The following SPATA13 variants were observed in gnomAD, a reference collection of about 807,000 sequenced individuals.
The protein encoded by SPATA13 is spermatogenesis associated 13.
SPATA13 carries 50 observed loss-of-function variants against 104.0 expected under a neutral mutation model. The ratio of observed to expected loss-of-function variants is 0.48; its 90% CI spans 0.38 to 0.61. The LOEUF is 0.61. Among genes scored for constraint, SPATA13 ranks in the 20% least tolerant of loss-of-function variants. The pLI is 0.00. For missense variants in SPATA13, 1,524 were observed against 1,690.6 expected, an observed-to-expected ratio of 0.90 and a Z score of 1.73; for synonymous variants, 606 against 667.5, an observed-to-expected ratio of 0.91 and a Z score of 1.42.
At chr13:23,999,823 C>T (rs1455270226) in intron 2 of SPATA13, among the ~76,000 whole-genome samples, 1 of 152,200 alleles carries the variant, frequency 6.6e-6, no homozygotes, top group Non-Finnish European at 1.5e-5. Context: ...CAGAAATCCT[C>T]TTTTTCACTC....
At chr13:24,171,919 A>G (rs1593378905) in intron 1 of SPATA13, among the ~76,000 whole-genome samples, 1 of 152,236 alleles carries the variant, frequency 6.6e-6, no homozygotes, top group African/African-American at 2.4e-5. Context: ...ATTCTTATTT[A>G]TCAGTGTTTT....
intron 3 of SPATA13, among the ~76,000 whole-genome samples, chr13:24,026,465 C>T (rs553393462): frequency 5.5e-4 from 84 of 152,090 alleles, no homozygotes; most frequent in African/African-American, 2.0e-3. Context: ...GGGGAGTGTT[C>T]GTGGTTCAGT....
At position 24,223,932 on chromosome 13, in the gene SPATA13, G is replaced by A. The variant is rs1471343341; in HGVS notation, c.1003G>A (p.Glu335Lys). 1.0e-5 allele frequency: 16 copies of A among 1,551,398 alleles called. No individual in the cohort carries two copies. The East Asian group carries it at 3.4e-4, about 33-fold the overall frequency. ...TGTGACTGAGGCTGCCTGGAGGAGG[G>A]AGAGTCCTAGGAGTGGGGCCCCATC... is the stretch of plus-strand genomic sequence containing the variant. Reference protein sequence around the residue: ...SNVTEAAWRRESPRSGAPSPG... With the variant: ...SNVTEAAWRRKSPRSGAPSPG... Residue 335 changes from glutamate to lysine, a missense_variant, in exon 2 of 13, where the codon GAG becomes AAG. Physicochemically the swap from Glu to Lys is moderately conservative, Grantham distance 56 (BLOSUM62 1). Transcript: ENST00000382108.
At chr13:24,108,818 C>A (rs1330930724) in intron 3 of SPATA13, among the ~76,000 whole-genome samples, 1 of 152,088 alleles carries the variant, frequency 6.6e-6, no homozygotes, top group Non-Finnish European at 1.5e-5. Context: ...CCGCCCCCAA[C>A]CTCTTCTGTG....
chr13:24,076,943 T>C (rs1013452153), intron 3 of SPATA13, among the ~76,000 whole-genome samples: 5 of 152,034 alleles, frequency 3.3e-5, no homozygotes, highest in South Asian at 2.1e-4. Flanking sequence ...CCTCGCCTTA[T>C]TCCTAAGACA....
chr13:24,249,826 A>G lies in SPATA13; in HGVS notation c.2003A>G (p.Asp668Gly). Residue 668 changes from aspartate to glycine, a missense_variant, in exon 3 of 13, where the codon GAC becomes GGC. Coordinates refer to ENST00000382108, the MANE Select transcript of SPATA13 (RefSeq NM_001166271.3). ...GGGACCAACCAGACGGAGGAACTGG[A>G]CAATCTTCTGACCCAAGTAAGATCT... ...LYGTNQTEEL[D>G]NLLTQPASRP... The G allele has an allele frequency of 6.2e-7, 1 of 1,605,718 alleles. No homozygotes were observed. The highest frequency in any genetic ancestry group is 1.7e-5 in the Admixed American group (1 of 59,064).
intron 4 of SPATA13, among the ~76,000 whole-genome samples, chr13:24,280,758 C>A (rs1447351789): frequency 6.6e-6 from 1 of 152,036 alleles, no homozygotes; most frequent in Non-Finnish European, 1.5e-5. Flanking sequence ...CCCTTGGAGT[C>A]TAAAACACAC....
intron 2 of SPATA13, among the ~76,000 whole-genome samples, chr13:23,995,914 A>G (rs566098038): frequency 6.6e-6 from 1 of 152,250 alleles, no homozygotes; most frequent in East Asian, 1.9e-4. Flanking sequence ...CCCTGATAGC[A>G]TGTGTTTTGT....
At chr13:24,135,904 A>G (rs117227243) in intron 3 of SPATA13, among the ~76,000 whole-genome samples, 7 of 152,212 alleles carry the variant, frequency 4.6e-5, no homozygotes, top group Non-Finnish European at 1.0e-4. Flanking sequence ...AGCCTCACAA[A>G]AGTTTGCAAA....
chr13:24,083,396 A>G (rs1879609145), intron 3 of SPATA13, among the ~76,000 whole-genome samples: 1 of 152,226 alleles, frequency 6.6e-6, no homozygotes, highest in Non-Finnish European at 1.5e-5. Context: ...TGCAAGTCAC[A>G]AACAAGTCAG....
rs577246793 is a variant in SPATA13, at chr13:24,189,400, G to T, written c.-112+28468G>T. Among the ~76,000 whole-genome samples, 19 of 150,480 alleles carry T rather than the reference G, an allele frequency of 1.3e-4. No homozygotes were observed. In the South Asian group the frequency reaches 3.7e-3, roughly 30 times the overall value. On this transcript the variant is annotated intron_variant, in intron 1 of 12. Transcript: ENST00000382108. The stretch of plus-strand genomic sequence containing the variant: ...GAGGCAGGAGAATGGCATGAACCCA[G>T]GGGGCGGAGCTTGCAGTGAGCTGAG...
chr13:24,066,687 C>A (rs1035264704), intron 3 of SPATA13, among the ~76,000 whole-genome samples: 1 of 152,068 alleles, frequency 6.6e-6, no homozygotes, highest in South Asian at 2.1e-4. Context: ...ACCCCTCAGG[C>A]CCCCCACCTT....
chr13:24,024,564 C>A (rs1877122481), intron 3 of SPATA13, among the ~76,000 whole-genome samples: 1 of 152,008 alleles, frequency 6.6e-6, no homozygotes. Flanking sequence ...CTGGTGGCCA[C>A]ACAGCACGGT....
chr13:24,294,976 C>A, intron 10 of SPATA13, 108 bp downstream of exon 10: 1 of 1,203,780 alleles, frequency 8.3e-7, no homozygotes, highest in Non-Finnish European at 1.1e-6. Flanking sequence ...ATATTCTTGG[C>A]TTTAATGGTA....
chr13:24,226,684 C>T (rs1871959295), intron 2 of SPATA13, among the ~76,000 whole-genome samples: 1 of 152,168 alleles, frequency 6.6e-6, no homozygotes, highest in Non-Finnish European at 1.5e-5. Context: ...CTCCTTCCCA[C>T]CCATCCCTGG....
intron 3 of SPATA13, among the ~76,000 whole-genome samples, chr13:24,112,804 ATTTGGTC>A (rs577109123): frequency 1.6e-3 from 241 of 152,202 alleles, no homozygotes; most frequent in African/African-American, 5.5e-3. Flanking sequence ...TAGTAGTATG[ATTTGGTC>A]TTTGCTGTCA....
At chr13:24,086,899 C>T (rs1879744076) in intron 3 of SPATA13, among the ~76,000 whole-genome samples, 1 of 152,172 alleles carries the variant, frequency 6.6e-6, no homozygotes, top group African/African-American at 2.4e-5. Context: ...AGGAGCAGCC[C>T]AGGAGGGAAC....
chr13:24,236,745 T>C (rs2138636331), intron 2 of SPATA13, among the ~76,000 whole-genome samples: 1 of 152,252 alleles, frequency 6.6e-6, no homozygotes. Flanking sequence ...ATAACAAGTG[T>C]TCACAAAGAT....
intron 1 of SPATA13, among the ~76,000 whole-genome samples, chr13:24,179,091 T>C (rs1868622569): frequency 6.6e-6 from 1 of 152,242 alleles, no homozygotes; most frequent in Non-Finnish European, 1.5e-5. Context: ...ATCCCTGTGG[T>C]AGCATGAATC....
Sources: gnomAD v4.1 joint callset for allele counts (sites outside exome capture counted in the v4.1 genomes callset) on GRCh38, gnomAD v4.1.1 for gene constraint, MANE v1.5 for transcripts, NCBI Gene and HGNC (gene_info 2026-07-23, HGNC 2026-07-21) for gene names.